Variants in AIDA observed in about 807,000 individuals in gnomAD.
AIDA encodes axin interactor, dorsalization-associated protein.
Under a neutral mutation model 42.7 loss-of-function variants are expected in AIDA, and 18 were observed. That is an observed-to-expected ratio of 0.42 (90% CI 0.29 to 0.63). AIDA has a LOEUF of 0.63. AIDA is among the 20% of genes least tolerant of loss of function. The pLI, the probability that AIDA is intolerant of heterozygous loss-of-function variation, is 0.19. For synonymous variants in AIDA, 104 were observed against 122.9 expected, an observed-to-expected ratio of 0.85 and a Z score of 1.02; for missense variants, 250 against 354.1, an observed-to-expected ratio of 0.71 and a Z score of 2.36.
chr1:222,697,210 T>G (rs1178745243), intron 2 of AIDA, among the ~76,000 whole-genome samples: 1 of 151,772 alleles, frequency 6.6e-6, no homozygotes, highest in Non-Finnish European at 1.5e-5. Flanking sequence ...CCCAAAGTAC[T>G]GGGATTACAG....
At chr1:222,696,844 T>C (rs1655532629) in intron 2 of AIDA, among the ~76,000 whole-genome samples, 1 of 152,238 alleles carries the variant, frequency 6.6e-6, no homozygotes. Context: ...CTTTTAACAT[T>C]TAAGGTAAAA....
At chr1:222,692,522 G>A (rs1406155310) in intron 4 of AIDA, among the ~76,000 whole-genome samples, 1 of 152,116 alleles carries the variant, frequency 6.6e-6, no homozygotes, top group Non-Finnish European at 1.5e-5. Flanking sequence ...TTTTAATTAT[G>A]AGAAGTTTCC....
At chr1:222,708,937 A>T (rs1655918049) in intron 1 of AIDA, among the ~76,000 whole-genome samples, 1 of 152,162 alleles carries the variant, frequency 6.6e-6, no homozygotes, top group Non-Finnish European at 1.5e-5. Context: ...AAATTCATCC[A>T]TTCAATAGAA....
rs562136243 is a variant in AIDA at position 222,668,308 on chromosome 1, G to A, written c.*1585C>T. 11 of 130,372 alleles carry A rather than the reference G, an allele frequency of 8.4e-5. No homozygotes were observed. In the South Asian group the frequency reaches 2.6e-3, roughly 30 times the overall value. 8.1% of individuals were successfully genotyped at this position (130,372 alleles called of 1,614,324 possible). On this transcript the variant is annotated 3_prime_UTR_variant, in exon 10 of 10. Transcript: ENST00000340020. ...AAATTACATGACACGGAGAAAATGC[G>A]CCTCTTGCTCCTTGAAGAGCTTACA...
At chr1:222,682,356 C>A (rs967257145) in intron 6 of AIDA, among the ~76,000 whole-genome samples, 43 of 151,914 alleles carry the variant, frequency 2.8e-4, no homozygotes, top group African/African-American at 1.0e-3. Flanking sequence ...CTGAAAACAT[C>A]GTGATTTGAA....
intron 6 of AIDA, among the ~76,000 whole-genome samples, chr1:222,684,850 C>T (rs1393655153): frequency 1.3e-5 from 2 of 152,206 alleles, no homozygotes; most frequent in African/African-American, 2.4e-5. Context: ...TCATGATTTA[C>T]ATCATCTGCT....
intron 1 of AIDA, among the ~76,000 whole-genome samples, chr1:222,703,891 A>T (rs983134299): frequency 2.0e-5 from 3 of 152,122 alleles, no homozygotes; most frequent in Non-Finnish European, 4.4e-5. Context: ...ACAGCAAAAA[A>T]CTTGTATAGT....
intron 1 of AIDA, chr1:222,711,865 GA>G: frequency 3.8e-6 from 1 of 262,378 alleles, no homozygotes; most frequent in Non-Finnish European, 7.5e-6. Flanking sequence ...AGAGGAGGAG[GA>G]AAGGAAACTG....
At chr1:222,692,578 C>T (rs568393055) in intron 4 of AIDA, among the ~76,000 whole-genome samples, 1 of 152,238 alleles carries the variant, frequency 6.6e-6, no homozygotes, top group East Asian at 1.9e-4. Flanking sequence ...TTGCCATGCC[C>T]ATATTACATA....
chr1:222,697,097 C>T lies in AIDA; in HGVS notation c.181-2834G>A, dbSNP rs951156259. 2.5e-4 allele frequency among the ~76,000 whole-genome samples: 38 copies of T among 151,916 alleles called. 1 individual carries two copies. Among genetic ancestry groups the T allele is most frequent in the Admixed American group, 2.0e-4 (3 of 15,266 alleles). ...AGCTGGGATTACAGGCATCCACCACCGCGCCCGGCTAATTTCTGTATTTTT... is the reference window on the plus strand; with the variant it reads ...AGCTGGGATTACAGGCATCCACCACTGCGCCCGGCTAATTTCTGTATTTTT... On this transcript the variant is annotated intron_variant, in intron 2 of 9. Transcript: ENST00000340020.
At chr1:222,672,563 T>C (rs1385177518) in intron 8 of AIDA, among the ~76,000 whole-genome samples, 1 of 152,236 alleles carries the variant, frequency 6.6e-6, no homozygotes, top group Non-Finnish European at 1.5e-5. Context: ...GTGCTGCTCC[T>C]GTTCCAGGAA....
intron 6 of AIDA, among the ~76,000 whole-genome samples, chr1:222,685,048 T>C (rs750840665): frequency 1.3e-4 from 20 of 152,172 alleles, no homozygotes; most frequent in Non-Finnish European, 2.6e-4. Context: ...AAGAAAAATA[T>C]AGCTCTATCT....
chr1:222,673,507 T>C, intron 7 of AIDA, 72 bp from the exon 8 acceptor site: 2 of 1,347,154 alleles, frequency 1.5e-6, no homozygotes, highest in Non-Finnish European at 2.0e-6. Context: ...CCAGGCACGG[T>C]GGCTCACGCC....
chr1:222,684,133 C>T (rs562723510), intron 6 of AIDA, among the ~76,000 whole-genome samples: 14 of 150,234 alleles, frequency 9.3e-5, no homozygotes, highest in East Asian at 7.8e-4. Context: ...TTTTTTGAGA[C>T]GGAGTCTGGC....
chr1:222,679,393 T>C (rs1664613501), intron 6 of AIDA, among the ~76,000 whole-genome samples: 1 of 152,170 alleles, frequency 6.6e-6, no homozygotes, highest in Admixed American at 6.5e-5. Flanking sequence ...CATGAAAAAC[T>C]GCGTGTTTCC....
At position 222,676,218 on chromosome 1, in the gene AIDA, C is replaced by T. The variant is rs752737232; in HGVS notation, c.461G>A (p.Gly154Asp). The part of the protein sequence containing the change: ...SPDSFPARVP[G>D]TLLPRLPSEP... ...CGATGGCAACCTTGGTAATAAAGTACCTGGCAACAGAGAAAAAGCAATAAA... is the reference window on the plus strand; with the variant it reads ...CGATGGCAACCTTGGTAATAAAGTATCTGGCAACAGAGAAAAAGCAATAAA... Residue 154 changes from glycine to aspartate, a missense_variant and splice_region_variant, in exon 7 of 10, where the codon GGT (glycine) becomes GAT (aspartate). Gly to Asp is a moderately conservative substitution (Grantham distance 94). Coordinates refer to ENST00000340020, the MANE Select transcript of AIDA (RefSeq NM_022831.4). 1 of 1,605,188 alleles carries T rather than the reference C, an allele frequency of 6.2e-7. No homozygotes were observed. Among genetic ancestry groups the T allele is most frequent in the Non-Finnish European group, 8.5e-7 (1 of 1,177,330 alleles).
At chr1:222,688,025 T>C (rs938040073) in intron 4 of AIDA, among the ~76,000 whole-genome samples, 1 of 152,168 alleles carries the variant, frequency 6.6e-6, no homozygotes, top group Admixed American at 6.5e-5. Flanking sequence ...GATTTGAGCC[T>C]GGGCAACACA....
At chr1:222,676,240 T>C in intron 6 of AIDA, 22 bp from the exon 7 acceptor site, 3 of 1,600,816 alleles carry the variant, frequency 1.9e-6, no homozygotes, top group Non-Finnish European at 2.6e-6. Context: ...GAAAAAGCAA[T>C]AAAAGCTCCA....
chr1:222,678,327 T>C (rs1664591425), intron 6 of AIDA, among the ~76,000 whole-genome samples: 1 of 152,018 alleles, frequency 6.6e-6, no homozygotes, highest in Non-Finnish European at 1.5e-5. Context: ...TTAAGAATAT[T>C]AGTCGTTTGT....
Sources: gnomAD v4.1 joint callset for allele counts (sites outside exome capture counted in the v4.1 genomes callset) on GRCh38, gnomAD v4.1.1 for gene constraint, MANE v1.5 for transcripts, NCBI Gene and HGNC (gene_info 2026-07-23, HGNC 2026-07-21) for gene names.